Variants in FLT1 observed in about 807,000 individuals in gnomAD.
FLT1 encodes vascular endothelial growth factor receptor 1.
Under a neutral mutation model 156.3 loss-of-function variants are expected in FLT1, and 49 were observed. That is an observed-to-expected ratio of 0.31 (90% CI 0.25 to 0.40). The LOEUF (loss-of-function observed/expected upper bound fraction) is 0.40. FLT1 is among the 10% of genes least tolerant of loss of function. The probability of loss-of-function intolerance (pLI) is 1.00; values close to 1 mark genes in which losing one functional copy is unlikely to be tolerated. For synonymous variants in FLT1, 594 were observed against 583.8 expected (o/e 1.02, Z -0.25); for missense variants, 1,322 against 1,637.2 (o/e 0.81, Z 3.32).
intron 17 of FLT1, among the ~76,000 whole-genome samples, chr13:28,338,736 C>T (rs1872214706): frequency 6.6e-6 from 1 of 152,180 alleles, no homozygotes; most frequent in Admixed American, 6.5e-5. Context: ...TTCCTTGCCA[C>T]CCTCAATTAT....
In FLT1 at chr13:28,339,390, A is replaced by T. The variant is rs1872244741; in HGVS notation, c.2356-90T>A. 3.6e-5 allele frequency: 52 copies of T among 1,433,484 alleles called. 1 individual carries two copies. The South Asian group carries it at 6.3e-4, about 17-fold the overall frequency. 88.8% of individuals were successfully genotyped at this position (1,433,484 alleles called of 1,614,324 possible). A position where few individuals can be genotyped will look rare whatever the true frequency, so the allele number is the denominator to read the frequency against. On this transcript the variant is annotated intron_variant, in intron 16 of 29. Coordinates refer to ENST00000282397, the MANE Select transcript of FLT1 (RefSeq NM_002019.4). Reference sequence around the variant, plus strand: ...GTTAACATCCACTGTTTTATTTGGGATCATTTGGTTGAAACTGTGTGGCCA... The same window carrying T: ...GTTAACATCCACTGTTTTATTTGGGTTCATTTGGTTGAAACTGTGTGGCCA...
intron 3 of FLT1, among the ~76,000 whole-genome samples, chr13:28,451,545 G>T (rs1878937722): frequency 6.6e-6 from 1 of 152,236 alleles, no homozygotes; most frequent in African/African-American, 2.4e-5. Flanking sequence ...CTCTCCAGCA[G>T]GGACACTGGG....
intron 1 of FLT1, among the ~76,000 whole-genome samples, chr13:28,482,876 T>C (rs1332277662): frequency 6.6e-6 from 1 of 152,218 alleles, no homozygotes; most frequent in African/African-American, 2.4e-5. Flanking sequence ...AATACTTTGA[T>C]AGGGTATTTT....
At chr13:28,329,837 T>A in intron 18 of FLT1, 109 bp from the exon 19 acceptor site, 1 of 856,160 alleles carries the variant, frequency 1.2e-6, no homozygotes, top group Non-Finnish European at 1.9e-6. Context: ...GTTGCTTCAC[T>A]AACTTCCCCA....
rs574967436 is a variant in FLT1, at chr13:28,452,057, A to G, written c.389-13712T>C. Among the ~76,000 whole-genome samples the G allele has an allele frequency of 2.6e-5, 4 of 152,348 alleles. 1 individual carries two copies. In the South Asian group the frequency reaches 8.3e-4, roughly 32 times the overall value. On this transcript the variant is annotated intron_variant, in intron 3 of 29. Transcript: ENST00000282397. ...AATTTTTACGTGAACTCTTCTAGCT[A>G]TTAAGCATTGGCAGCTAAAAGTGCT...
At chr13:28,318,955 A>G (rs1871321938) in intron 24 of FLT1, among the ~76,000 whole-genome samples, 1 of 152,188 alleles carries the variant, frequency 6.6e-6, no homozygotes, top group South Asian at 2.1e-4. Context: ...TGTTCATATC[A>G]GAGGCACTGG....
intron 14 of FLT1, among the ~76,000 whole-genome samples, chr13:28,373,684 A>G (rs1873721854): frequency 6.6e-6 from 1 of 152,116 alleles, no homozygotes; most frequent in African/African-American, 2.4e-5. Context: ...TAGTCATCCA[A>G]TCTTTAGTGT....
At chr13:28,373,014 T>C (rs888351621) in intron 14 of FLT1, among the ~76,000 whole-genome samples, 3 of 152,204 alleles carry the variant, frequency 2.0e-5, no homozygotes, top group African/African-American at 4.8e-5. Flanking sequence ...TACTTAAACA[T>C]TGCAAAACTT....
intron 3 of FLT1, among the ~76,000 whole-genome samples, chr13:28,461,406 T>C (rs1879570768): frequency 6.6e-6 from 1 of 152,210 alleles, no homozygotes; most frequent in South Asian, 2.1e-4. Context: ...TCCTGGTTTC[T>C]CAATGTATGA....
intron 10 of FLT1, among the ~76,000 whole-genome samples, chr13:28,408,896 A>C (rs1875973131): frequency 6.6e-6 from 1 of 150,714 alleles, no homozygotes. Context: ...AACCCCTGAA[A>C]GGAAAAAAAA....
intron 1 of FLT1, 137 bp downstream of exon 1, chr13:28,494,643 C>T (rs1881656454): frequency 1.5e-6 from 1 of 667,352 alleles, no homozygotes; most frequent in Admixed American, 2.5e-5. Context: ...ACTAGTGTCC[C>T]AGGTTCTCGC....
At chr13:28,480,857 T>C (rs376600776) in intron 1 of FLT1, among the ~76,000 whole-genome samples, 4 of 152,344 alleles carry the variant, frequency 2.6e-5, no homozygotes, top group South Asian at 4.1e-4. Context: ...CCAGGTCACG[T>C]TGTGCTTGTT....
intron 1 of FLT1, among the ~76,000 whole-genome samples, chr13:28,493,543 C>T (rs977116639): frequency 5.3e-5 from 8 of 152,026 alleles, no homozygotes; most frequent in Non-Finnish European, 1.2e-4. Context: ...TGTTGTACTA[C>T]GCTCCATCCT....
chr13:28,414,610 T>C (rs562842330), intron 10 of FLT1, among the ~76,000 whole-genome samples: 2 of 152,352 alleles, frequency 1.3e-5, no homozygotes, highest in African/African-American at 4.8e-5. Context: ...GTCAGTTTAT[T>C]ATCTGATTTC....
intron 23 of FLT1, among the ~76,000 whole-genome samples, chr13:28,320,461 G>T (rs1238034267): frequency 6.6e-6 from 1 of 151,952 alleles, no homozygotes; most frequent in African/African-American, 2.4e-5. Context: ...TGGCCCGCGG[G>T]CCACATGTGG....
intron 1 of FLT1, among the ~76,000 whole-genome samples, chr13:28,490,993 C>T (rs1881439936): frequency 6.6e-6 from 1 of 152,232 alleles, no homozygotes; most frequent in Admixed American, 6.5e-5. Context: ...CCCACATACA[C>T]ATATCAGTTT....
chr13:28,367,244 GT>G (rs1288129569), intron 14 of FLT1, among the ~76,000 whole-genome samples: 6 of 152,194 alleles, frequency 3.9e-5, no homozygotes, highest in African/African-American at 1.4e-4. Context: ...AACTCTGGTG[GT>G]TTTATGCGTT....
At chr13:28,388,923 T>C (rs1874533072) in intron 13 of FLT1, 1 of 1,057,824 alleles carries the variant, frequency 9.5e-7, no homozygotes, top group South Asian at 4.5e-5. Flanking sequence ...AGCTGTGTGG[T>C]GCAGTCAGAG....
intron 3 of FLT1, among the ~76,000 whole-genome samples, chr13:28,447,308 AG>A (rs987838108): frequency 4.6e-5 from 7 of 151,728 alleles, no homozygotes; most frequent in Non-Finnish European, 8.8e-5. Flanking sequence ...CCTCCTGAGT[AG>A]CTCAGACTAT....
Sources: allele counts gnomAD v4.1 joint callset (sites outside exome capture counted in the v4.1 genomes callset), GRCh38; gene constraint gnomAD v4.1.1; transcripts MANE v1.5; gene names NCBI Gene and HGNC (gene_info 2026-07-23, HGNC 2026-07-21).